DDX5: variants seen among roughly 807,000 people sequenced by gnomAD.
The protein encoded by DDX5 is probable ATP-dependent RNA helicase DDX5.
DDX5 carries 6 observed loss-of-function variants against 68.6 expected under a neutral mutation model. The ratio of observed to expected loss-of-function variants is 0.09; its 90% confidence interval spans 0.05 to 0.17. DDX5 has a LOEUF of 0.17. Among genes scored for constraint, DDX5 ranks in the 10% least tolerant of loss-of-function variants. DDX5 has a pLI of 1.00. For missense variants in DDX5, 499 were observed against 756.1 expected (o/e 0.66, Z 3.99); for synonymous variants, 350 against 247.0 (o/e 1.42, Z -3.91).
In DDX5 at chr17:64,499,056, C is replaced by T. The variant is rs1221824496; in HGVS notation, c.*867G>A. On this transcript the variant is annotated 3_prime_UTR_variant, in exon 13 of 13. Coordinates refer to ENST00000225792, the MANE Select transcript of DDX5 (RefSeq NM_004396.5). ...GGGAGCCTGTGAAGACTAGAATCTA[C>T]AAGTAACCTGCACTAAGAACGAAAT... 6.6e-6 allele frequency among the ~76,000 whole-genome samples: 1 copy of T among 152,162 alleles called. No homozygotes were observed. The highest frequency in any genetic ancestry group is 1.5e-5 in the Non-Finnish European group (1 of 68,024).
chr17:64,504,770 C>T lies in DDX5; in HGVS notation c.117G>A (p.Glu39=), dbSNP rs782094805. 3 of 1,614,134 alleles carry T rather than the reference C, an allele frequency of 1.9e-6. No homozygotes were observed. The highest frequency in any genetic ancestry group is 2.2e-5 in the South Asian group (2 of 91,058). ...GATTCCACTTCTTTTTAACTAATTT[C>T]TCCCCAGGGTTTCCAAACTTCTTTC... ...LSGKKFGNPG[E]KLVKKKWNLD... Residue 39 remains glutamate, a synonymous_variant, in exon 2 of 13, where the codon GAG becomes GAA. Transcript: ENST00000225792.
In DDX5 at chr17:64,500,471, C is replaced by T. The variant is rs544018831; in HGVS notation, c.1441+78G>A. 59 of 1,516,862 alleles carry T rather than the reference C, an allele frequency of 3.9e-5. No individual in the cohort carries two copies. In the South Asian group the frequency reaches 6.2e-4, roughly 16 times the overall value. The allele number at this position is 1,516,862 out of a possible 1,614,324, so 94.0% of individuals were successfully genotyped here. A position where few individuals can be genotyped will look rare whatever the true frequency, so the allele number is the denominator to read the frequency against. ...TTTTCACATTCAAGGTTTTACTCAC[C>T]CTCCAATACCATTTAAATGGATTTG... On this transcript the variant is annotated intron_variant, in intron 12 of 12. Coordinates refer to ENST00000225792, the MANE Select transcript of DDX5 (RefSeq NM_004396.5).
At position 64,500,534 on chromosome 17, in the gene DDX5, A is replaced by G. The variant is rs1211963184; in HGVS notation, c.1441+15T>C. 5 of 1,606,968 alleles carry G rather than the reference A, an allele frequency of 3.1e-6. No homozygotes were observed. The highest frequency in any genetic ancestry group is 2.7e-5 in the African/African-American group (2 of 74,940). The stretch of plus-strand genomic sequence containing the variant: ...TGACTCGTAACTACCAACATTTCCT[A>G]TCAGTCATCCTTACCTGAACCTCTG... On this transcript the variant is annotated intron_variant, in intron 12 of 12. Coordinates refer to ENST00000225792, the MANE Select transcript of DDX5 (RefSeq NM_004396.5).
Position 64,506,159 on chromosome 17 carries a change from G to C in DDX5, c.-40C>G. 6.2e-7 allele frequency: 1 copy of C among 1,603,618 alleles called. No homozygotes were observed. Among genetic ancestry groups the C allele is most frequent in the Non-Finnish European group, 8.5e-7 (1 of 1,175,398 alleles). Reference sequence around the variant, plus strand: ...CGGTTGGCGGGGAACGAAGTATATAGAAAAGCGTGCGACAAGTCGCTGGAA... The same window carrying C: ...CGGTTGGCGGGGAACGAAGTATATACAAAAGCGTGCGACAAGTCGCTGGAA... On this transcript the variant is annotated 5_prime_UTR_variant, in exon 1 of 13. Coordinates refer to ENST00000225792, the MANE Select transcript of DDX5 (RefSeq NM_004396.5).
At chr17:64,502,705 G>GGTC in intron 8 of DDX5, 156 bp from the exon 9 acceptor site, 1 of 714,478 alleles carries the variant, frequency 1.4e-6, no homozygotes, top group African/African-American at 1.8e-5. Flanking sequence ...TTCGACCCTT[G>GGTC]GTCCTTAAGT....
intron 11 of DDX5, 31 bp from the exon 12 acceptor site, chr17:64,500,804 A>C (rs1555670950): frequency 6.5e-7 from 1 of 1,546,838 alleles, no homozygotes; most frequent in Admixed American, 1.7e-5. Flanking sequence ...GCAAAATAGC[A>C]ATGTACGGAG....
At chr17:64,502,904 T>C (rs782318814) in intron 8 of DDX5, 22 bp downstream of exon 8, 5 of 1,557,150 alleles carry the variant, frequency 3.2e-6, no homozygotes, top group East Asian at 2.3e-5. Context: ...GAAGCAAATA[T>C]AACAGAGTTA....
At chr17:64,503,671 C>A in intron 5 of DDX5, 100 bp from the exon 6 acceptor site, 1 of 1,548,706 alleles carries the variant, frequency 6.5e-7, no homozygotes, top group Admixed American at 1.9e-5. Flanking sequence ...TTGTCCAATA[C>A]CCAAAACAGC....
chr17:64,502,391 C>T, intron 9 of DDX5, 48 bp downstream of exon 9: 1 of 1,504,404 alleles, frequency 6.6e-7, no homozygotes, highest in Non-Finnish European at 9.2e-7. Context: ...TTTGCCCTTT[C>T]CTAAGCTGTT....
intron 1 of DDX5, chr17:64,505,707 T>G: frequency 6.5e-7 from 1 of 1,531,660 alleles, no homozygotes; most frequent in Non-Finnish European, 8.7e-7. Flanking sequence ...TCCCACAGAA[T>G]GCCCGGCCAC....
In DDX5 at chr17:64,504,268, G is replaced by A. The variant is rs1568105071; in HGVS notation, c.261C>T (p.His87=). The A allele has an allele frequency of 7.4e-6, 12 of 1,614,154 alleles. No homozygotes were observed. The highest frequency in any genetic ancestry group is 1.0e-5 in the Non-Finnish European group (12 of 1,180,018). Residue 87 remains histidine (H), a synonymous_variant, in exon 3 of 13, where the codon CAC becomes CAT. Coordinates refer to ENST00000225792, the MANE Select transcript of DDX5 (RefSeq NM_004396.5). ...AATTTAGAACTGGCTTCGGGCAGTT[G>A]TGACCTCTAACTGTAATTTCCTTGC... is the stretch of plus-strand genomic sequence containing the variant. ...RRSKEITVRG[H]NCPKPVLNFY... is the part of the protein sequence containing the mutation.
chr17:64,503,166 A>G, intron 7 of DDX5, 22 bp downstream of exon 7: 2 of 1,613,382 alleles, frequency 1.2e-6, no homozygotes, highest in East Asian at 4.5e-5. Context: ...CAGTTTGATC[A>G]CATATTTCAA....
Position 64,506,274 on chromosome 17 carries a change from T to G in DDX5, c.-155A>C, listed in dbSNP as rs1489687084. The G allele has an allele frequency of 2.0e-6, 3 of 1,535,588 alleles. No homozygotes were observed. Among genetic ancestry groups the G allele is most frequent in the African/African-American group, 2.7e-5 (2 of 72,750 alleles). ...CCGAAGCTGCACTACTAGAGACCGG[T>G]AGAAATGAATGAGGTGCCGGCCGCT... On this transcript the variant is annotated 5_prime_UTR_variant, in exon 1 of 13. Coordinates refer to ENST00000225792, the MANE Select transcript of DDX5 (RefSeq NM_004396.5).
At chr17:64,505,022 A>G (rs1285928604) in intron 1 of DDX5, 180 bp from the exon 2 acceptor site, 13 of 559,906 alleles carry the variant, frequency 2.3e-5, no homozygotes, top group Admixed American at 1.4e-4. Context: ...CATTTCCCGT[A>G]GTCCCAAGTA....
At chr17:64,506,031 C>CA (rs2144288789) in intron 1 of DDX5, 45 bp downstream of exon 1, 30 of 1,381,242 alleles carry the variant, frequency 2.2e-5, no homozygotes, top group Non-Finnish European at 2.9e-5. Flanking sequence ...CCCGCCCTCC[C>CA]ATCCCCCCAC....
intron 1 of DDX5, chr17:64,505,841 G>T: frequency 1.3e-6 from 2 of 1,536,022 alleles, no homozygotes; most frequent in Non-Finnish European, 1.7e-6. Context: ...AATGGCAGCC[G>T]CCCCGACAGC....
At chr17:64,505,695 G>C (rs1392709440) in intron 1 of DDX5, 7 of 1,518,206 alleles carry the variant, frequency 4.6e-6, no homozygotes, top group Admixed American at 2.0e-5. Flanking sequence ...TGGTCCCCTC[G>C]CTCCCACAGA....
intron 8 of DDX5, 76 bp from the exon 9 acceptor site, chr17:64,502,625 A>T: frequency 9.2e-7 from 1 of 1,085,574 alleles, no homozygotes; most frequent in Non-Finnish European, 1.4e-6. Context: ...TATGGTCAGC[A>T]AAACATTAAG....
chr17:64,501,928 A>T, intron 11 of DDX5, 82 bp downstream of exon 11: 1 of 1,426,992 alleles, frequency 7.0e-7, no homozygotes, highest in Non-Finnish European at 9.8e-7. Flanking sequence ...AATGCAGGTT[A>T]AAGAAAGCAA....
Sources: allele counts gnomAD v4.1 joint callset (sites outside exome capture counted in the v4.1 genomes callset), GRCh38; gene constraint gnomAD v4.1.1; transcripts MANE v1.5; gene names NCBI Gene and HGNC (gene_info 2026-07-23, HGNC 2026-07-21).